The following PANK2 variants were observed in gnomAD, a reference collection of about 807,000 sequenced individuals.
The protein encoded by PANK2 is pantothenate kinase 2, mitochondrial.
A neutral mutation model predicts 43.1 loss-of-function variants in PANK2; 36 were observed. The observed-to-expected ratio is 0.84, with a 90% CI of 0.64 to 1.10. The LOEUF (loss-of-function observed/expected upper bound fraction) is 1.10, where lower values mean the gene tolerates loss of function less well. PANK2 is among the 50% of genes least tolerant of loss of function. PANK2 has a pLI of 0.00. For synonymous variants in PANK2, 281 were observed against 238.2 expected, an observed-to-expected ratio of 1.18 and a Z score of -1.66; for missense variants, 576 against 593.3, an observed-to-expected ratio of 0.97 and a Z score of 0.30.
intron 4 of PANK2, among the ~76,000 whole-genome samples, chr20:3,916,149 A>C (rs559337160): frequency 3.3e-5 from 5 of 152,328 alleles, no homozygotes; most frequent in African/African-American, 1.2e-4. Flanking sequence ...ATTTTATTGT[A>C]CAGGTGTTAA....
At chr20:3,911,666 T>C (rs1026263803) in intron 3 of PANK2, among the ~76,000 whole-genome samples, 1 of 147,544 alleles carries the variant, frequency 6.8e-6, no homozygotes, top group African/African-American at 2.5e-5. Context: ...CCGAGGCGGG[T>C]GGATCACCAG....
At chr20:3,920,787 G>C (rs1429301847) in intron 6 of PANK2, among the ~76,000 whole-genome samples, 1 of 152,156 alleles carries the variant, frequency 6.6e-6, no homozygotes, top group Non-Finnish European at 1.5e-5. Flanking sequence ...AGAGGTTGCG[G>C]TGAGCCGAGA....
upstream of PANK2, chr20:3,889,053 C>G (rs1422002960): frequency 6.9e-7 from 1 of 1,459,672 alleles, no homozygotes; most frequent in South Asian, 1.3e-5. Flanking sequence ...GTTCCGCGGC[C>G]CGGGGGGGCA....
chr20:3,915,968 A>G (rs2090553765), intron 4 of PANK2, among the ~76,000 whole-genome samples: 1 of 152,154 alleles, frequency 6.6e-6, no homozygotes, highest in Non-Finnish European at 1.5e-5. Flanking sequence ...GTACCTTGAG[A>G]ATATGAATTG....
chr20:3,895,163 A>G (rs771307745), intron 1 of PANK2, among the ~76,000 whole-genome samples: 1 of 151,982 alleles, frequency 6.6e-6, no homozygotes, highest in Non-Finnish European at 1.5e-5. Flanking sequence ...AATCCCAGCT[A>G]CTCAGGACGC....
At chr20:3,910,909 C>T (rs975331385) in intron 3 of PANK2, 79 bp downstream of exon 3, 14 of 1,513,708 alleles carry the variant, frequency 9.2e-6, no homozygotes, top group African/African-American at 1.4e-5. Flanking sequence ...GTAACTACAC[C>T]TTCAAGAACC....
intron 1 of PANK2, among the ~76,000 whole-genome samples, chr20:3,894,740 G>A (rs2090177607): frequency 6.6e-6 from 1 of 152,048 alleles, no homozygotes. Flanking sequence ...CACCGTGCCT[G>A]GCCAGTTTAT....
At chr20:3,902,858 T>C (rs1672579484) in intron 1 of PANK2, among the ~76,000 whole-genome samples, 1 of 151,966 alleles carries the variant, frequency 6.6e-6, no homozygotes, top group Non-Finnish European at 1.5e-5. Flanking sequence ...TCAAGTTTTA[T>C]TTTAGCAATT....
upstream of PANK2, chr20:3,889,107 A>T: frequency 6.5e-7 from 1 of 1,543,838 alleles, no homozygotes; most frequent in Non-Finnish European, 8.8e-7. Context: ...GTGGATGAGG[A>T]GGCTCGGGCC....
intron 1 of PANK2, among the ~76,000 whole-genome samples, chr20:3,901,984 TATG>T (rs1600515780): frequency 6.6e-6 from 1 of 152,072 alleles, no homozygotes; most frequent in Non-Finnish European, 1.5e-5. Flanking sequence ...GTTTTTTCCT[TATG>T]ATATCTTGAA....
Position 3,889,713 on chromosome 20 carries a change from AG to A in PANK2, c.285del (p.Lys97SerfsTer46), listed in dbSNP as rs1490985365. 6.3e-7 allele frequency: 1 copy of A among 1,596,156 alleles called. No homozygotes were observed. The highest frequency in any genetic ancestry group is 8.5e-7 in the Non-Finnish European group (1 of 1,179,120). ...CTCCCGCCAGCGCGTCGAAAGCCTGAGGAAAAAGCGGCCGCGTAAGTGTTCC... is the reference window on the plus strand; with the variant it reads ...CTCCCGCCAGCGCGTCGAAAGCCTGAGAAAAAGCGGCCGCGTAAGTGTTCC... On this transcript the variant is annotated frameshift_variant, in exon 1 of 7. Coordinates refer to ENST00000610179, the MANE Select transcript of PANK2 (RefSeq NM_001386393.1). LOFTEE classifies it high-confidence loss of function.
At chr20:3,919,066 C>G (rs2090608200) in intron 6 of PANK2, among the ~76,000 whole-genome samples, 1 of 152,036 alleles carries the variant, frequency 6.6e-6, no homozygotes, top group South Asian at 2.1e-4. Flanking sequence ...GCCCCCACAC[C>G]CTGCTAATTT....
chr20:3,896,596 C>A (rs1158044953), intron 1 of PANK2, among the ~76,000 whole-genome samples: 3 of 152,042 alleles, frequency 2.0e-5, no homozygotes, highest in Non-Finnish European at 4.4e-5. Flanking sequence ...TCCTCTCCAG[C>A]CTCTGGGGAG....
At chr20:3,889,816 C>T (rs2090087069) in intron 1 of PANK2, 88 bp downstream of exon 1, 7 of 1,536,012 alleles carry the variant, frequency 4.6e-6, no homozygotes, top group African/African-American at 1.4e-5. Context: ...GCCGTTTTTC[C>T]CGCGCGCGGA....
chr20:3,910,900 T>C (rs2090458948), intron 3 of PANK2, 70 bp downstream of exon 3: 1 of 1,553,462 alleles, frequency 6.4e-7, no homozygotes, highest in Admixed American at 1.7e-5. Flanking sequence ...GTATTACATG[T>C]AACTACACCT....
chr20:3,899,055 T>C lies in PANK2; in HGVS notation c.299-8871T>C, dbSNP rs975163211. On this transcript the variant is annotated intron_variant, in intron 1 of 6. Coordinates refer to ENST00000610179, the MANE Select transcript of PANK2 (RefSeq NM_001386393.1). ...GCACCTGGCTAATTTTTTATATTTT[T>C]AGTAGAGACGGGGTTTCACCATCTT... Among the ~76,000 whole-genome samples the C allele has an allele frequency of 2.6e-5, 4 of 151,960 alleles. 1 individual carries two copies. Among genetic ancestry groups the C allele is most frequent in the Non-Finnish European group, 1.5e-5 (1 of 67,990 alleles).
chr20:3,904,101 G>A (rs2146849209), intron 1 of PANK2, among the ~76,000 whole-genome samples: 1 of 151,910 alleles, frequency 6.6e-6, no homozygotes, highest in South Asian at 2.1e-4. Flanking sequence ...CGGCCAGTTT[G>A]CATTTTCAAA....
At chr20:3,895,465 A>G (rs2090190716) in intron 1 of PANK2, among the ~76,000 whole-genome samples, 1 of 145,294 alleles carries the variant, frequency 6.9e-6, no homozygotes, top group Non-Finnish European at 1.5e-5. Context: ...CCTGGGCGAC[A>G]GAGGGAGACC....
chr20:3,891,562 C>T (rs960261844), intron 1 of PANK2, among the ~76,000 whole-genome samples: 1 of 152,176 alleles, frequency 6.6e-6, no homozygotes, highest in Admixed American at 6.5e-5. Context: ...GAATTATTTA[C>T]GTTCTGTTAG....
Sources: allele counts gnomAD v4.1 joint callset (sites outside exome capture counted in the v4.1 genomes callset), GRCh38; gene constraint gnomAD v4.1.1; transcripts MANE v1.5; gene names NCBI Gene and HGNC (gene_info 2026-07-23, HGNC 2026-07-21).